The following CREB5 variants were observed in gnomAD, a reference collection of about 807,000 sequenced individuals.
CREB5 encodes the protein cyclic AMP-responsive element-binding protein 5.
In CREB5, 19 loss-of-function variants were observed where a neutral mutation model predicts 57.1. The observed-to-expected ratio is 0.33, with a 90% confidence interval of 0.23 to 0.49. The LOEUF is 0.49. Among genes scored for constraint, CREB5 ranks in the 20% least tolerant of loss-of-function variants. CREB5 has a pLI of 0.99. For synonymous variants in CREB5, 238 were observed against 238.3 expected, an observed-to-expected ratio of 1.00 and a Z score of 0.01; for missense variants, 579 against 671.6, an observed-to-expected ratio of 0.86 and a Z score of 1.52.
chr7:28,669,829 G>A (rs1272558240), intron 5 of CREB5, among the ~76,000 whole-genome samples: 6 of 152,130 alleles, frequency 3.9e-5, no homozygotes. Flanking sequence ...TAGGATCTGC[G>A]TCGTCCTGTG....
Position 28,586,916 on chromosome 7 carries a change from C to T in CREB5, c.464+16379C>T, listed in dbSNP as rs148714439. 2.6e-3 allele frequency among the ~76,000 whole-genome samples: 393 copies of T among 152,312 alleles called. 1 individual carries two copies. The highest frequency in any genetic ancestry group is 0.01 in the Middle Eastern group (3 of 294). ...GCAAATGCCTGGCTCAGAAGGGCTGCGGACCAGAGTGTCCTGGCAGCATCC... is the reference window on the plus strand; with the variant it reads ...GCAAATGCCTGGCTCAGAAGGGCTGTGGACCAGAGTGTCCTGGCAGCATCC... On this transcript the variant is annotated intron_variant, in intron 5 of 10. Transcript: ENST00000357727.
chr7:28,384,123 C>T (rs1346888428), intron 1 of CREB5, among the ~76,000 whole-genome samples: 4 of 152,056 alleles, frequency 2.6e-5, no homozygotes, highest in South Asian at 4.1e-4. Flanking sequence ...GATGAAATAT[C>T]GTTTAAGGTT....
At chr7:28,497,955 T>C (rs1346332547) in intron 3 of CREB5, among the ~76,000 whole-genome samples, 1 of 152,232 alleles carries the variant, frequency 6.6e-6, no homozygotes, top group Non-Finnish European at 1.5e-5. Context: ...ACTATGTTTG[T>C]AGGCCAAATT....
chr7:28,633,121 T>C (rs951052893), intron 5 of CREB5, among the ~76,000 whole-genome samples: 1 of 152,218 alleles, frequency 6.6e-6, no homozygotes, highest in African/African-American at 2.4e-5. Flanking sequence ...GGATGGTTCT[T>C]ATTTACAGAT....
At chr7:28,499,035 A>G (rs1489246818) in intron 3 of CREB5, among the ~76,000 whole-genome samples, 1 of 152,112 alleles carries the variant, frequency 6.6e-6, no homozygotes, top group Non-Finnish European at 1.5e-5. Flanking sequence ...AATCATGATC[A>G]AATTTCAGCA....
chr7:28,773,713 T>C lies in CREB5; in HGVS notation c.703-30486T>C, dbSNP rs1806465315. On this transcript the variant is annotated intron_variant, in intron 7 of 10. Coordinates refer to ENST00000357727, the MANE Select transcript of CREB5 (RefSeq NM_182898.4). ...ATCTTTCTGCTTTCCCTGTTTGGAA[T>C]GGTTTTAATTGTCACCCCTGTCCAC... Among the ~76,000 whole-genome samples, 4 of 152,240 alleles carry C rather than the reference T, an allele frequency of 2.6e-5. No homozygotes were observed. The South Asian group carries it at 8.3e-4, about 31-fold the overall frequency.
chr7:28,770,620 T>C (rs1409674443), intron 7 of CREB5, among the ~76,000 whole-genome samples: 3 of 152,208 alleles, frequency 2.0e-5, no homozygotes, highest in African/African-American at 7.2e-5. Flanking sequence ...GTAAAGACAG[T>C]TACATCAATG....
chr7:28,799,811 A>T (rs1296183756), intron 7 of CREB5, among the ~76,000 whole-genome samples: 1 of 152,144 alleles, frequency 6.6e-6, no homozygotes, highest in African/African-American at 2.4e-5. Context: ...TTTTGACTGT[A>T]CTTTTACAGC....
intron 8 of CREB5, among the ~76,000 whole-genome samples, chr7:28,807,332 C>CT (rs1372979738): frequency 2.0e-5 from 3 of 152,046 alleles, no homozygotes; most frequent in Admixed American, 2.0e-4. Flanking sequence ...ACCTGTAATC[C>CT]CAGCTACTTG....
chr7:28,363,294 A>G (rs7789122), intron 1 of CREB5, among the ~76,000 whole-genome samples: 53,598 of 151,922 alleles, frequency 0.35, 9,686 homozygotes, highest in Non-Finnish European at 0.39. Context: ...GAAGAAGGCA[A>G]GCACATAATT....
chr7:28,350,097 T>G (rs571667208), intron 1 of CREB5, among the ~76,000 whole-genome samples: 1 of 152,336 alleles, frequency 6.6e-6, no homozygotes, highest in Admixed American at 6.5e-5. Flanking sequence ...ATTGGTGGGA[T>G]GCAGGACAAA....
At chr7:28,362,056 G>A (rs539100193) in intron 1 of CREB5, among the ~76,000 whole-genome samples, 12 of 152,166 alleles carry the variant, frequency 7.9e-5, no homozygotes, top group Non-Finnish European at 1.2e-4. Flanking sequence ...AATAGAATTG[G>A]GCAACAATAT....
intron 5 of CREB5, among the ~76,000 whole-genome samples, chr7:28,690,768 G>C (rs1801208202): frequency 1.3e-5 from 2 of 152,162 alleles, no homozygotes; most frequent in African/African-American, 4.8e-5. Context: ...CCTGCTGCAG[G>C]TACGGCCTCC....
intron 5 of CREB5, among the ~76,000 whole-genome samples, chr7:28,712,964 C>CA (rs1223838254): frequency 2.0e-5 from 3 of 150,858 alleles, no homozygotes; most frequent in South Asian, 2.1e-4. Flanking sequence ...CTGTCCCAGA[C>CA]AAAAAAAAGA....
At chr7:28,672,137 C>T (rs1441634646) in intron 5 of CREB5, among the ~76,000 whole-genome samples, 4 of 151,046 alleles carry the variant, frequency 2.6e-5, no homozygotes, top group African/African-American at 9.7e-5. Flanking sequence ...AAACAACACA[C>T]ATTCAGGACA....
chr7:28,505,362 C>T (rs1013876641), intron 3 of CREB5, among the ~76,000 whole-genome samples: 5 of 152,182 alleles, frequency 3.3e-5, no homozygotes, highest in Admixed American at 2.0e-4. Context: ...CCAGCTGTTA[C>T]TTATGTTCCC....
At chr7:28,712,050 A>T (rs1802421736) in intron 5 of CREB5, among the ~76,000 whole-genome samples, 1 of 152,198 alleles carries the variant, frequency 6.6e-6, no homozygotes, top group African/African-American at 2.4e-5. Context: ...GAAGACAAGT[A>T]ATTTGCCCAA....
At chr7:28,382,789 A>G (rs1483216048) in intron 1 of CREB5, among the ~76,000 whole-genome samples, 1 of 151,960 alleles carries the variant, frequency 6.6e-6, no homozygotes, top group Non-Finnish European at 1.5e-5. Flanking sequence ...TAAAGGGGTC[A>G]TGATACTCAC....
At chr7:28,622,255 TCTCTCACA>T (rs776316041) in intron 5 of CREB5, among the ~76,000 whole-genome samples, 26 of 140,760 alleles carry the variant, frequency 1.8e-4, no homozygotes, top group African/African-American at 7.4e-4. Context: ...TCTCTCTCTC[TCTCTCACA>T]CACACACACA....
Sources: allele counts gnomAD v4.1 joint callset (sites outside exome capture counted in the v4.1 genomes callset), GRCh38; gene constraint gnomAD v4.1.1; transcripts MANE v1.5; gene names NCBI Gene and HGNC (gene_info 2026-07-23, HGNC 2026-07-21).